USP6: variants seen among roughly 807,000 people sequenced by gnomAD.
The protein encoded by USP6 is ubiquitin carboxyl-terminal hydrolase 6.
USP6 carries 128 observed loss-of-function variants against 175.7 expected under a neutral mutation model. The ratio of observed to expected loss-of-function variants is 0.73; its 90% CI spans 0.63 to 0.84. The LOEUF (loss-of-function observed/expected upper bound fraction) is 0.84. Ranked by LOEUF, USP6 falls within the 40% of genes least tolerant of loss-of-function variation. The pLI, the probability that USP6 is intolerant of heterozygous loss-of-function variation, is 0.00. For missense variants in USP6, 1,498 were observed against 1,760.3 expected, an observed-to-expected ratio of 0.85 and a Z score of 2.67; for synonymous variants, 562 against 630.6, an observed-to-expected ratio of 0.89 and a Z score of 1.63.
intron 11 of USP6, among the ~76,000 whole-genome samples, chr17:5,131,133 A>G (rs1449888336): frequency 6.6e-6 from 1 of 152,056 alleles, no homozygotes; most frequent in African/African-American, 2.4e-5. Flanking sequence ...CCCTAGAGCT[A>G]CAGCCCTCAC....
intron 2 of USP6, among the ~76,000 whole-genome samples, chr17:5,120,356 T>C (rs1172028499): frequency 1.3e-5 from 2 of 152,084 alleles, no homozygotes; most frequent in African/African-American, 2.4e-5. Context: ...GGGGTTGTTA[T>C]CTCTCAGGGC....
chr17:5,145,462 C>A lies in USP6; in HGVS notation c.2050C>A (p.Gln684Lys). ...AATTATTGTGGATTTGTTCCATGGG[C>A]AGCTAAGATCTCAAGTCAAATGCAA... is the stretch of plus-strand genomic sequence containing the variant. ...RSIIVDLFHG[Q>K]LRSQVKCKTC... is the part of the protein sequence containing the mutation. Residue 684 changes from glutamine (Q) to lysine (K), a missense_variant, in exon 27 of 38, where the codon CAG becomes AAG. Physicochemically the swap from Gln to Lys is moderately conservative, Grantham distance 53. Coordinates refer to ENST00000574788, the MANE Select transcript of USP6 (RefSeq NM_001304284.2). The A allele has an allele frequency of 6.2e-7, 1 of 1,612,782 alleles. No individual in the cohort carries two copies. Among genetic ancestry groups the A allele is most frequent in the Non-Finnish European group, 8.5e-7 (1 of 1,179,406 alleles).
chr17:5,149,508 T>TGTAAA (rs2073704744), intron 30 of USP6, among the ~76,000 whole-genome samples: 2 of 152,136 alleles, frequency 1.3e-5, no homozygotes, highest in Non-Finnish European at 2.9e-5. Flanking sequence ...GCTATGATGC[T>TGTAAA]CACACCTGTA....
At position 5,141,098 on chromosome 17, in the gene USP6, A is replaced by G. The variant is rs539734370; in HGVS notation, c.1499-327A>G. Among the ~76,000 whole-genome samples, 14 of 152,300 alleles carry G rather than the reference A, an allele frequency of 9.2e-5. No homozygotes were observed. In the South Asian group the frequency reaches 2.9e-3, roughly 32 times the overall value. On this transcript the variant is annotated intron_variant, in intron 22 of 37. Coordinates refer to ENST00000574788, the MANE Select transcript of USP6 (RefSeq NM_001304284.2). Reference sequence around the variant, plus strand: ...ATGTTCTAACATGTTTAGGTACACAAATACTTACCATTGTGTTACAGTTGC... The same window carrying G: ...ATGTTCTAACATGTTTAGGTACACAGATACTTACCATTGTGTTACAGTTGC...
chr17:5,123,933 A>G (rs1266454685), intron 4 of USP6, among the ~76,000 whole-genome samples: 2 of 151,944 alleles, frequency 1.3e-5, no homozygotes. Context: ...ACACACACAC[A>G]CACACGTGAT....
rs779621225 is a variant in USP6 at position 5,133,952 on chromosome 17, G to A, written c.450G>A (p.Thr150=). The A allele has an allele frequency of 1.2e-6, 2 of 1,613,986 alleles. No individual in the cohort carries two copies. Among genetic ancestry groups the A allele is most frequent in the African/African-American group, 2.7e-5 (2 of 74,896 alleles). ...HIHHIDLDVR[T]TLRNHVFFRD... is the part of the protein sequence containing the mutation. Reference sequence around the variant, plus strand: ...ACCACATCGACCTGGACGTGAGGACGACTCTCCGGAACCATGTCTTCTTTA... The same window carrying A: ...ACCACATCGACCTGGACGTGAGGACAACTCTCCGGAACCATGTCTTCTTTA... The change falls in exon 15 of 38, where the codon ACG becomes ACA. Residue 150 remains threonine (T), a synonymous_variant. Transcript: ENST00000574788.
At chr17:5,162,710 A>G (rs2307139) in intron 32 of USP6, among the ~76,000 whole-genome samples, 174 bp from the exon 33 acceptor site, 73,762 of 152,096 alleles carry the variant, frequency 0.48, 20,466 homozygotes, top group Non-Finnish European at 0.64. Context: ...TGAAATGATA[A>G]TAATTATTAA....
At position 5,144,823 on chromosome 17, in the gene USP6, A is replaced by C. The variant is rs146869340; in HGVS notation, c.1952A>C (p.Lys651Thr). The change falls in exon 26 of 38, where the codon AAG (lysine) becomes ACG (threonine). Residue 651 changes from lysine to threonine, a missense_variant. By Grantham distance (78) the Lys-to-Thr change is moderately conservative. Around this residue, in one of 2 missense-constraint regions of USP6, gnomAD observed 1,217 missense variants for 1,500.8 expected, o/e 0.81. Transcript: ENST00000574788. ...CATGAAAAGCCATATGTGGAACTGA[A>C]GGACAGTGATGGCCGACCAGACTGG... Reference protein sequence around the residue: ...RVHEKPYVELKDSDGRPDWEV... With the variant: ...RVHEKPYVELTDSDGRPDWEV... 6.2e-7 allele frequency: 1 copy of C among 1,610,644 alleles called. No homozygotes were observed. The highest frequency in any genetic ancestry group is 1.3e-5 in the African/African-American group (1 of 74,988).
Position 5,120,653 on chromosome 17 carries a change from G to A in USP6, c.-1810G>A. Reference sequence around the variant, plus strand: ...AAATGAAGGCCCTTTGAGGTCAGGTGGATGAGGATGTCAGTGTGAAGATGG... The same window carrying A: ...AAATGAAGGCCCTTTGAGGTCAGGTAGATGAGGATGTCAGTGTGAAGATGG... On this transcript the variant is annotated 5_prime_UTR_variant, in exon 3 of 38. Coordinates refer to ENST00000574788, the MANE Select transcript of USP6 (RefSeq NM_001304284.2). 5.1e-6 allele frequency: 2 copies of A among 390,984 alleles called. No individual in the cohort carries two copies. The highest frequency in any genetic ancestry group is 1.0e-5 in the Non-Finnish European group (2 of 199,974). The allele number at this position is 390,984 out of a possible 1,614,324, so 24.2% of individuals were successfully genotyped here. A position where few individuals can be genotyped will look rare whatever the true frequency, so the allele number is the denominator to read the frequency against.
At chr17:5,161,803 A>T (rs1365235564) in intron 32 of USP6, among the ~76,000 whole-genome samples, 189 bp downstream of exon 32, 1 of 152,190 alleles carries the variant, frequency 6.6e-6, no homozygotes, top group East Asian at 1.9e-4. Flanking sequence ...ATCACCTGAG[A>T]TCAGGAGTTT....
chr17:5,126,946 A>T (rs1011009613), intron 6 of USP6: 6 of 151,328 alleles, frequency 4.0e-5, no homozygotes, highest in African/African-American at 1.2e-4. Flanking sequence ...TGACATGCCC[A>T]CGTGGCTGCC....
At chr17:5,156,800 G>T (rs1418111477) in intron 31 of USP6, among the ~76,000 whole-genome samples, 1 of 150,572 alleles carries the variant, frequency 6.6e-6, no homozygotes. Flanking sequence ...GTGTGATTTT[G>T]GTTCACTGCA....
chr17:5,148,736 C>G lies in USP6; in HGVS notation c.2612C>G (p.Thr871Arg). Residue 871 changes from threonine (T) to arginine (R), a missense_variant, in exon 30 of 38, where the codon ACA becomes AGA. This residue lies in a region of USP6 where 1,217 missense variants were observed against 1,500.8 expected (regional missense o/e 0.81). Transcript: ENST00000574788. ...CCATCTCTTCCTGACAGCCCCTTTA[C>G]AGGTTACATCATTGCAGTCCACCGA... Reference protein sequence around the residue: ...HMPSLPDSPFTGYIIAVHRKM... With the variant: ...HMPSLPDSPFRGYIIAVHRKM... 2 of 1,613,644 alleles carry G rather than the reference C, an allele frequency of 1.2e-6. No homozygotes were observed. Among genetic ancestry groups the G allele is most frequent in the Non-Finnish European group, 1.7e-6 (2 of 1,179,608 alleles).
Position 5,132,859 on chromosome 17 carries a change from G to C in USP6, c.196-51G>C. 6.2e-7 allele frequency: 1 copy of C among 1,605,738 alleles called. No individual in the cohort carries two copies. Among genetic ancestry groups the C allele is most frequent in the Non-Finnish European group, 8.5e-7 (1 of 1,172,498 alleles). On this transcript the variant is annotated intron_variant, in intron 12 of 37. Transcript: ENST00000574788. This position sits in a 1 kb window ranked among gnomAD's most constrained non-coding sequence, Gnocchi z 4.7. ...GCCCAAGACTCAGCATCCATGGGCG[G>C]CTCTGGGAAGCCTGGCAGCTCCACT...
intron 31 of USP6, among the ~76,000 whole-genome samples, chr17:5,159,963 C>CAAA (rs34643191): frequency 2.8e-5 from 3 of 108,670 alleles, no homozygotes; most frequent in African/African-American, 3.2e-5. Context: ...TACCCCGTCT[C>CAAA]AAAAAAAAAA....
rs966017968 is a variant in USP6 at position 5,172,830 on chromosome 17, C to A, written c.4073C>A (p.Thr1358Asn). 8.1e-6 allele frequency: 13 copies of A among 1,613,722 alleles called. No homozygotes were observed. The African/African-American group carries it at 1.6e-4, about 20-fold the overall frequency. ...GAACTTCACCCTGATGAAATTGACA[C>A]CGACTCTGCCTACATTCTTTTCTAT... ...CEELHPDEID[T>N]DSAYILFYEQ... The change falls in exon 38 of 38, where the codon ACC becomes AAC. Residue 1358 changes from threonine (T) to asparagine (N), a missense_variant. Thr to Asn is a moderately conservative substitution (Grantham distance 65, BLOSUM62 0). Around this residue, in one of 2 missense-constraint regions of USP6, gnomAD observed 1,217 missense variants for 1,500.8 expected, o/e 0.81. Coordinates refer to ENST00000574788, the MANE Select transcript of USP6 (RefSeq NM_001304284.2).
At chr17:5,137,934 C>G (rs1221851581) in intron 20 of USP6, among the ~76,000 whole-genome samples, 184 bp downstream of exon 20, 1 of 152,090 alleles carries the variant, frequency 6.6e-6, no homozygotes, top group Non-Finnish European at 1.5e-5. Flanking sequence ...AGATGAAAGT[C>G]GAGAGTGTGG....
At chr17:5,162,254 C>T (rs955058508) in intron 32 of USP6, among the ~76,000 whole-genome samples, 4 of 152,060 alleles carry the variant, frequency 2.6e-5, no homozygotes, top group African/African-American at 9.7e-5. Flanking sequence ...CAGGTTCAAG[C>T]AATTCTCCTG....
intron 28 of USP6, 112 bp from the exon 29 acceptor site, chr17:5,146,968 CGTT>C (rs757577255): frequency 1.9e-6 from 2 of 1,055,782 alleles, no homozygotes; most frequent in Non-Finnish European, 2.7e-6. Flanking sequence ...TCAATCATCT[CGTT>C]GGTTTTATGG....
Sources: gnomAD v4.1 joint callset for allele counts (sites outside exome capture counted in the v4.1 genomes callset) on GRCh38, gnomAD v4.1.1 for gene constraint, gnomAD v4.1.1 regional missense constraint, Gnocchi (gnomAD v3.1) non-coding constraint, MANE v1.5 for transcripts, NCBI Gene and HGNC (gene_info 2026-07-23, HGNC 2026-07-21) for gene names.